The following TUBGCP5 variants were observed in gnomAD, a reference collection of about 807,000 sequenced individuals.
TUBGCP5 encodes the protein tubulin gamma complex component 5.
In TUBGCP5, 98 loss-of-function variants were observed where a neutral mutation model predicts 134.7. The ratio of observed to expected loss-of-function variants is 0.73; its 90% CI spans 0.62 to 0.86. The LOEUF (loss-of-function observed/expected upper bound fraction) is 0.86. Ranked by LOEUF, TUBGCP5 falls within the 40% of genes least tolerant of loss-of-function variation. TUBGCP5 has a pLI of 0.00. For synonymous variants in TUBGCP5, 456 were observed against 431.4 expected, an observed-to-expected ratio of 1.06 and a Z score of -0.71; for missense variants, 1,150 against 1,244.8, an observed-to-expected ratio of 0.92 and a Z score of 1.15.
intron 8 of TUBGCP5, 142 bp downstream of exon 8, chr15:23,025,974 T>C: frequency 1.7e-6 from 1 of 602,744 alleles, no homozygotes; most frequent in Non-Finnish European, 2.9e-6. Context: ...ATCTCCACAG[T>C]CAAATCTGGT....
At chr15:22,998,806 G>A (rs536758516), downstream of TUBGCP5, among the ~76,000 whole-genome samples, 542 of 152,118 alleles carry the variant, frequency 3.6e-3, 1 homozygote, top group Non-Finnish European at 5.9e-3. Context: ...TAGTAGAGAC[G>A]GGGTTTCACC....
chr15:22,999,717 T>C lies in TUBGCP5; in HGVS notation c.*103A>G. ...TGCCAGGCTGACTGTGGACAAGTTTTACAAATAAACCAAAATAAAAATATT... is the reference window on the plus strand; with the variant it reads ...TGCCAGGCTGACTGTGGACAAGTTTCACAAATAAACCAAAATAAAAATATT... On this transcript the variant is annotated 3_prime_UTR_variant, in exon 23 of 23. Coordinates refer to ENST00000615383, the MANE Select transcript of TUBGCP5 (RefSeq NM_052903.6). 1 of 1,385,242 alleles carries C rather than the reference T, an allele frequency of 7.2e-7. No homozygotes were observed. The highest frequency in any genetic ancestry group is 2.3e-5 in the East Asian group (1 of 43,068). The allele number at this position is 1,385,242 out of a possible 1,614,324, so 85.8% of individuals were successfully genotyped here.
intron 23 of TUBGCP5, among the ~76,000 whole-genome samples, chr15:22,991,357 A>G (rs2140350083): frequency 6.6e-6 from 1 of 152,274 alleles, no homozygotes; most frequent in East Asian, 1.9e-4. Context: ...CGGCCTCCCA[A>G]AGTGCTGGGA....
At chr15:23,028,900 A>G (rs983399284) in intron 6 of TUBGCP5, among the ~76,000 whole-genome samples, 2 of 152,230 alleles carry the variant, frequency 1.3e-5, no homozygotes, top group Admixed American at 6.5e-5. Flanking sequence ...AATCATCTAT[A>G]TAAGAAACCA....
intron 1 of TUBGCP5, among the ~76,000 whole-genome samples, chr15:23,038,869 T>G (rs2066748808): frequency 6.6e-6 from 1 of 152,080 alleles, no homozygotes; most frequent in South Asian, 2.1e-4. Context: ...CCAGGAGCTG[T>G]GCAGAGATGC....
chr15:23,017,084 T>TAAACAC (rs2065381745), intron 13 of TUBGCP5, among the ~76,000 whole-genome samples: 2 of 151,062 alleles, frequency 1.3e-5, no homozygotes, highest in South Asian at 4.2e-4. Flanking sequence ...AACAGAAAGT[T>TAAACAC]AAACACTGCA....
At chr15:22,995,328 A>G (rs2140367513), downstream of TUBGCP5, among the ~76,000 whole-genome samples, 1 of 152,140 alleles carries the variant, frequency 6.6e-6, no homozygotes, top group South Asian at 2.1e-4. Flanking sequence ...TGTTTTACTC[A>G]TTCAATTATA....
At chr15:23,019,863 T>C (rs1340640960) in intron 11 of TUBGCP5, among the ~76,000 whole-genome samples, 1 of 152,058 alleles carries the variant, frequency 6.6e-6, no homozygotes, top group African/African-American at 2.4e-5. Context: ...TTGTTTGTAG[T>C]CCAGACTGGG....
chr15:23,000,980 A>G (rs917683447), intron 21 of TUBGCP5, among the ~76,000 whole-genome samples: 3 of 152,200 alleles, frequency 2.0e-5, no homozygotes, highest in Non-Finnish European at 2.9e-5. Flanking sequence ...ACAAGCATAC[A>G]TTCTCTTTGA....
rs1223249011 is a variant in TUBGCP5 at position 23,022,175 on chromosome 15, T to C, written c.1169-14A>G. ...TTATTGTAGTATCTGCAAATATCAA[T>C]AAATCAAACTCAACAGCAAGGAAAA... is the stretch of plus-strand genomic sequence containing the variant. On this transcript the variant is annotated splice_polypyrimidine_tract_variant and intron_variant, in intron 10 of 22. Coordinates refer to ENST00000615383, the MANE Select transcript of TUBGCP5 (RefSeq NM_052903.6). 6.2e-7 allele frequency: 1 copy of C among 1,612,482 alleles called. No individual in the cohort carries two copies. Among genetic ancestry groups the C allele is most frequent in the Admixed American group, 1.7e-5 (1 of 60,010 alleles).
At chr15:23,002,923 C>T (rs187871021) in intron 21 of TUBGCP5, 142 bp downstream of exon 21, 1 of 615,970 alleles carries the variant, frequency 1.6e-6, no homozygotes, top group Non-Finnish European at 2.6e-6. Flanking sequence ...GCTATGTTGC[C>T]CAGGCTAGTC....
intron 21 of TUBGCP5, among the ~76,000 whole-genome samples, chr15:23,001,653 CTTT>C (rs59087813): frequency 7.0e-6 from 1 of 142,678 alleles, no homozygotes. Context: ...TTCTTTCTTT[CTTT>C]TTTTTTTTTT....
chr15:23,018,145 T>A (rs2065450102), intron 12 of TUBGCP5, 104 bp from the exon 13 acceptor site: 3 of 1,234,756 alleles, frequency 2.4e-6, no homozygotes, highest in Admixed American at 5.9e-5. Flanking sequence ...GTATTAATTA[T>A]TAGTAAACTG....
chr15:22,990,310 T>C (rs373466845), intron 23 of TUBGCP5, among the ~76,000 whole-genome samples: 12 of 150,878 alleles, frequency 8.0e-5, no homozygotes, highest in African/African-American at 2.9e-4. Context: ...TGACTCCCAC[T>C]ACGGGCACTG....
In TUBGCP5 at chr15:23,023,346, A is replaced by G. The variant is rs1030432830; in HGVS notation, c.1168+601T>C. The G allele has an allele frequency of 1.2e-3, 183 of 152,348 alleles. 1 individual carries two copies. The highest frequency in any genetic ancestry group is 6.8e-3 in the Middle Eastern group (2 of 296). 9.4% of individuals were successfully genotyped at this position (152,348 alleles called of 1,614,324 possible). A position where few individuals can be genotyped will look rare whatever the true frequency, so the allele number is the denominator to read the frequency against. Reference sequence around the variant, plus strand: ...CTCCGTCTCAAATGAAAAAAAAAAAAAAAGAACCTACCCTACAGATAACTC... The same window carrying G: ...CTCCGTCTCAAATGAAAAAAAAAAAGAAAGAACCTACCCTACAGATAACTC... On this transcript the variant is annotated intron_variant, in intron 10 of 22. Transcript: ENST00000615383.
chr15:23,011,240 AGTAAGAACCTGT>A lies in TUBGCP5; in HGVS notation c.1836_1847del (p.Gln613_Thr616del). On this transcript the variant is annotated inframe_deletion, in exon 14 of 23. Transcript: ENST00000615383. ...GGTTCTCCTTGGTTGCCTGTTGCTC[AGTAAGAACCTGT>A]GGAGTGGAATCTTCTCCATGTCGAA... The A allele has an allele frequency of 6.2e-7, 1 of 1,613,964 alleles. No individual in the cohort carries two copies.
chr15:23,018,555 T>C (rs1348833721), intron 12 of TUBGCP5, among the ~76,000 whole-genome samples: 2 of 152,210 alleles, frequency 1.3e-5, no homozygotes, highest in Non-Finnish European at 2.9e-5. Context: ...TATGTGAGCA[T>C]TGCATACATA....
intron 11 of TUBGCP5, among the ~76,000 whole-genome samples, chr15:23,021,349 A>C (rs531957979): frequency 9.9e-5 from 15 of 152,064 alleles, no homozygotes; most frequent in Non-Finnish European, 2.1e-4. Context: ...AAAAATTTTA[A>C]TTTAACTAAT....
chr15:23,015,814 G>A (rs2065281160), intron 13 of TUBGCP5, among the ~76,000 whole-genome samples: 1 of 152,116 alleles, frequency 6.6e-6, no homozygotes, highest in Admixed American at 6.5e-5. Flanking sequence ...CAGAACCAAG[G>A]TGAATGCATC....
Sources: gnomAD v4.1 joint callset for allele counts (sites outside exome capture counted in the v4.1 genomes callset) on GRCh38, gnomAD v4.1.1 for gene constraint, MANE v1.5 for transcripts, NCBI Gene and HGNC (gene_info 2026-07-23, HGNC 2026-07-21) for gene names.